The following PPP2R5E variants were observed in gnomAD, a reference collection of about 807,000 sequenced individuals.
PPP2R5E encodes serine/threonine-protein phosphatase 2A 56 kDa regulatory subunit epsilon isoform.
In PPP2R5E, 4 loss-of-function variants were observed where a neutral mutation model predicts 65.3. The observed-to-expected ratio is 0.06, with a 90% confidence interval of 0.03 to 0.14. PPP2R5E has a LOEUF of 0.14. Among genes scored for constraint, PPP2R5E ranks in the 10% least tolerant of loss-of-function variants. PPP2R5E has a pLI of 1.00. For missense variants in PPP2R5E, 274 were observed against 556.1 expected (o/e 0.49, Z 5.10); for synonymous variants, 183 against 187.4 (o/e 0.98, Z 0.19).
At chr14:63,395,140 C>CTT in intron 7 of PPP2R5E, 86 bp downstream of exon 7, 1 of 1,084,860 alleles carries the variant, frequency 9.2e-7, no homozygotes, top group Non-Finnish European at 1.4e-6. Context: ...AGCAAGAGAA[C>CTT]TAGGTGAGCA....
Position 63,461,640 on chromosome 14 carries a change from T to TAAAAAAAAAA in PPP2R5E, c.158-7765_158-7756dup, listed in dbSNP as rs199591299. On this transcript the variant is annotated intron_variant, in intron 2 of 13. Coordinates refer to ENST00000337537, the MANE Select transcript of PPP2R5E (RefSeq NM_006246.5). ...AGCGAGATCGCGTCTCTACAAAATT[T>TAAAAAAAAAA]AAAAAAAAAAAAAAATTGCTGGGCT... Among the ~76,000 whole-genome samples the TAAAAAAAAAA allele has an allele frequency of 1.8e-3, 248 of 139,780 alleles. 2 individuals are homozygous for TAAAAAAAAAA. Among genetic ancestry groups the TAAAAAAAAAA allele is most frequent in the African/African-American group, 6.4e-3 (237 of 36,878 alleles). The allele number at this position is 139,780 out of a possible 152,430, so 91.7% of individuals were successfully genotyped here. A position where few individuals can be genotyped will look rare whatever the true frequency, so the allele number is the denominator to read the frequency against.
At chr14:63,454,384 T>G (rs1234603448) in intron 2 of PPP2R5E, among the ~76,000 whole-genome samples, 1 of 152,244 alleles carries the variant, frequency 6.6e-6, no homozygotes, top group East Asian at 1.9e-4. Flanking sequence ...TGTTTTGGCT[T>G]GATCTGTATG....
At chr14:63,448,823 T>C (rs1205501367) in intron 3 of PPP2R5E, among the ~76,000 whole-genome samples, 1 of 149,288 alleles carries the variant, frequency 6.7e-6, no homozygotes, top group East Asian at 2.0e-4. Flanking sequence ...CCCCAATATC[T>C]ATGAAGTGCA....
chr14:63,457,286 G>T (rs1707534042), intron 2 of PPP2R5E, among the ~76,000 whole-genome samples: 1 of 152,112 alleles, frequency 6.6e-6, no homozygotes, highest in Non-Finnish European at 1.5e-5. Context: ...TAGTGTCTAT[G>T]TAAGCAGTCC....
intron 2 of PPP2R5E, among the ~76,000 whole-genome samples, chr14:63,474,105 T>TAG (rs1890273588): frequency 6.6e-6 from 1 of 152,196 alleles, no homozygotes; most frequent in Non-Finnish European, 1.5e-5. Flanking sequence ...TACAGCTACA[T>TAG]AGGAGGCAAC....
chr14:63,533,909 T>A (rs1356735464), intron 2 of PPP2R5E, among the ~76,000 whole-genome samples: 1 of 152,208 alleles, frequency 6.6e-6, no homozygotes, highest in Admixed American at 6.5e-5. Context: ...ATTGCGCCAC[T>A]GCACTCCAGC....
intron 13 of PPP2R5E, among the ~76,000 whole-genome samples, chr14:63,378,201 T>C (rs993298305): frequency 1.9e-4 from 29 of 152,238 alleles, no homozygotes; most frequent in Non-Finnish European, 3.8e-4. Context: ...ATATGACCTT[T>C]TTATTTGGAG....
At chr14:63,509,202 G>T (rs1892347503) in intron 2 of PPP2R5E, among the ~76,000 whole-genome samples, 1 of 146,166 alleles carries the variant, frequency 6.8e-6, no homozygotes, top group Admixed American at 6.9e-5. Context: ...TACCCCAGTT[G>T]TATCTTAGTC....
In PPP2R5E at chr14:63,432,412, C is replaced by A. The variant is rs187049789; in HGVS notation, c.355-10318G>T. Among the ~76,000 whole-genome samples the A allele has an allele frequency of 9.0e-4, 137 of 152,242 alleles. 2 individuals are homozygous for A. The highest frequency in any genetic ancestry group is 1.0e-3 in the Non-Finnish European group (71 of 68,024). On this transcript the variant is annotated intron_variant, in intron 3 of 13. Coordinates refer to ENST00000337537, the MANE Select transcript of PPP2R5E (RefSeq NM_006246.5). ...CTTAGACACGGAGTCTCTAGAAGAT[C>A]GGAGCACTGCCAACTGTATGAAAGA...
intron 2 of PPP2R5E, among the ~76,000 whole-genome samples, chr14:63,482,052 A>G (rs993421514): frequency 6.6e-6 from 1 of 152,256 alleles, no homozygotes; most frequent in African/African-American, 2.4e-5. Flanking sequence ...AATATCCTAG[A>G]AATTACACGT....
intron 2 of PPP2R5E, among the ~76,000 whole-genome samples, chr14:63,481,282 A>C (rs1050203222): frequency 3.9e-5 from 6 of 152,090 alleles, no homozygotes; most frequent in African/African-American, 1.4e-4. Flanking sequence ...GAATCACCTG[A>C]GGTCAGGAGT....
intron 3 of PPP2R5E, among the ~76,000 whole-genome samples, chr14:63,424,352 A>G (rs1013375221): frequency 2.0e-5 from 3 of 152,166 alleles, no homozygotes; most frequent in African/African-American, 7.2e-5. Context: ...TGGACCTCTG[A>G]GCTGGACAGG....
chr14:63,405,814 C>G (rs965785201), intron 5 of PPP2R5E, among the ~76,000 whole-genome samples: 4 of 152,150 alleles, frequency 2.6e-5, no homozygotes, highest in Non-Finnish European at 5.9e-5. Context: ...CAAAATTGTT[C>G]CATAAAGCCT....
chr14:63,446,029 T>A lies in PPP2R5E; in HGVS notation c.354+7660A>T, dbSNP rs117433945. The stretch of plus-strand genomic sequence containing the variant: ...AACTAAGTTTACATAATGTTCTAAA[T>A]CCTTTGTTGTCATTTCAACAATGTT... On this transcript the variant is annotated intron_variant, in intron 3 of 13. Transcript: ENST00000337537. 5.2e-4 allele frequency among the ~76,000 whole-genome samples: 79 copies of A among 152,312 alleles called. No homozygotes were observed. The East Asian group carries it at 0.014, about 27-fold the overall frequency.
chr14:63,431,912 T>G (rs1346985098), intron 3 of PPP2R5E, among the ~76,000 whole-genome samples: 1 of 152,090 alleles, frequency 6.6e-6, no homozygotes, highest in Non-Finnish European at 1.5e-5. Flanking sequence ...ATGTCATACT[T>G]AAATCTGTAT....
intron 3 of PPP2R5E, among the ~76,000 whole-genome samples, chr14:63,442,817 G>C (rs1163680065): frequency 6.6e-6 from 1 of 152,164 alleles, no homozygotes; most frequent in African/African-American, 2.4e-5. Flanking sequence ...CCATGGTTAA[G>C]GGGGGACTAT....
At chr14:63,439,046 C>T (rs1359492648) in intron 3 of PPP2R5E, among the ~76,000 whole-genome samples, 1 of 150,918 alleles carries the variant, frequency 6.6e-6, no homozygotes, top group African/African-American at 2.4e-5. Flanking sequence ...AATAGTCAGA[C>T]AAAAGATATG....
intron 3 of PPP2R5E, among the ~76,000 whole-genome samples, chr14:63,444,250 A>G (rs957582172): frequency 6.6e-6 from 1 of 152,192 alleles, no homozygotes; most frequent in Non-Finnish European, 1.5e-5. Context: ...TTTGCATCAC[A>G]TAATTCTCTT....
intron 3 of PPP2R5E, among the ~76,000 whole-genome samples, chr14:63,432,921 C>G (rs569770351): frequency 6.6e-4 from 100 of 151,758 alleles, no homozygotes; most frequent in Non-Finnish European, 1.1e-3. Flanking sequence ...TAAATTAGAC[C>G]AAACTAAGTC....
Sources: gnomAD v4.1 joint callset for allele counts (sites outside exome capture counted in the v4.1 genomes callset) on GRCh38, gnomAD v4.1.1 for gene constraint, MANE v1.5 for transcripts, NCBI Gene and HGNC (gene_info 2026-07-23, HGNC 2026-07-21) for gene names.